Variants in KIAA1328 observed in about 807,000 individuals in gnomAD.
KIAA1328 encodes the protein protein hinderin.
KIAA1328 carries 52 observed loss-of-function variants against 68.1 expected under a neutral mutation model. The observed-to-expected ratio is 0.76, with a 90% CI of 0.61 to 0.96. KIAA1328 has a LOEUF of 0.96. Among genes scored for constraint, KIAA1328 ranks in the 40% least tolerant of loss-of-function variants. KIAA1328 has a pLI of 0.00. For synonymous variants in KIAA1328, 232 were observed against 239.4 expected (o/e 0.97, Z 0.28); for missense variants, 641 against 677.6 (o/e 0.95, Z 0.60).
At chr18:37,221,873 A>T (rs1488352048) in intron 9 of KIAA1328, 144 bp from the exon 10 acceptor site, 2 of 798,526 alleles carry the variant, frequency 2.5e-6, no homozygotes, top group Non-Finnish European at 3.9e-6. Flanking sequence ...GTTTACCTTC[A>T]CAAAAATTCC....
chr18:37,230,018 G>T (rs2060657789), downstream of KIAA1328: 1 of 153,650 alleles, frequency 6.5e-6, no homozygotes, highest in Admixed American at 6.5e-5. Flanking sequence ...CTGGATTCAT[G>T]CTAGAACATG....
At chr18:36,955,506 C>T (rs1568211623) in intron 5 of KIAA1328, among the ~76,000 whole-genome samples, 1 of 151,908 alleles carries the variant, frequency 6.6e-6, no homozygotes, top group Non-Finnish European at 1.5e-5. Context: ...GATGGGGTTT[C>T]ACCATGTTGG....
intron 6 of KIAA1328, among the ~76,000 whole-genome samples, chr18:36,966,838 A>T (rs967840789): frequency 1.3e-5 from 2 of 152,200 alleles, no homozygotes; most frequent in African/African-American, 4.8e-5. Flanking sequence ...TCCCAAATTG[A>T]TCTGTAGATT....
At chr18:36,846,092 A>G (rs2047018748) in intron 4 of KIAA1328, among the ~76,000 whole-genome samples, 2 of 151,592 alleles carry the variant, frequency 1.3e-5, no homozygotes, top group Non-Finnish European at 3.0e-5. Flanking sequence ...ATTTCAGTCT[A>G]CTTTGTCTAC....
Position 37,223,001 on chromosome 18 carries a change from G to A in KIAA1328, c.*774G>A. 2.0e-6 allele frequency: 2 copies of A among 985,126 alleles called. No homozygotes were observed. The highest frequency in any genetic ancestry group is 1.2e-6 in the Non-Finnish European group (1 of 829,964). 61.0% of individuals were successfully genotyped at this position (985,126 alleles called of 1,614,324 possible). A position where few individuals can be genotyped will look rare whatever the true frequency, so the allele number is the denominator to read the frequency against. ...CCCTCCAATATCCCAGAATGAATAA[G>A]AACAATCCCTAGGTATTTTTATTTA... On this transcript the variant is annotated 3_prime_UTR_variant, in exon 10 of 10. Coordinates refer to ENST00000280020, the MANE Select transcript of KIAA1328 (RefSeq NM_020776.3).
At chr18:36,932,401 T>C (rs4547413) in intron 5 of KIAA1328, among the ~76,000 whole-genome samples, 141,715 of 152,100 alleles carry the variant, frequency 0.93, 66,741 homozygotes, top group East Asian at 1. Context: ...TGTATTCTTT[T>C]GTAGAGACTG....
intron 5 of KIAA1328, among the ~76,000 whole-genome samples, chr18:36,916,979 A>G (rs1261992345): frequency 6.6e-6 from 1 of 152,028 alleles, no homozygotes; most frequent in Non-Finnish European, 1.5e-5. Flanking sequence ...TAAAAACAAA[A>G]CAAAACAAAA....
chr18:36,883,109 C>T (rs1324687970), intron 4 of KIAA1328, among the ~76,000 whole-genome samples: 1 of 152,076 alleles, frequency 6.6e-6, no homozygotes, highest in African/African-American at 2.4e-5. Flanking sequence ...TTTCTTCTTT[C>T]GTCGTGTCTT....
At chr18:37,134,999 G>A (rs1348116795) in intron 7 of KIAA1328, among the ~76,000 whole-genome samples, 1 of 152,172 alleles carries the variant, frequency 6.6e-6, no homozygotes, top group Non-Finnish European at 1.5e-5. Flanking sequence ...ATGGCCTCCA[G>A]TGGCATCCAT....
chr18:36,930,364 A>G (rs1006835642), intron 5 of KIAA1328, among the ~76,000 whole-genome samples: 1 of 152,136 alleles, frequency 6.6e-6, no homozygotes, highest in East Asian at 1.9e-4. Context: ...CTATGGGTCC[A>G]AAAATGTTAC....
At chr18:36,976,372 T>C (rs2052471952) in intron 6 of KIAA1328, among the ~76,000 whole-genome samples, 1 of 152,164 alleles carries the variant, frequency 6.6e-6, no homozygotes, top group Non-Finnish European at 1.5e-5. Flanking sequence ...ATTGGTGATA[T>C]ATTACATATG....
chr18:37,140,523 A>G (rs569013546), intron 7 of KIAA1328, among the ~76,000 whole-genome samples: 2 of 152,294 alleles, frequency 1.3e-5, no homozygotes, highest in South Asian at 4.1e-4. Context: ...CCAGAATTTC[A>G]TTAAACTTCA....
intron 7 of KIAA1328, among the ~76,000 whole-genome samples, chr18:37,108,782 T>G (rs2057845674): frequency 6.6e-6 from 1 of 152,186 alleles, no homozygotes; most frequent in South Asian, 2.1e-4. Flanking sequence ...TGTTTTGTTT[T>G]GTTTTTATTA....
rs949241887 is a variant in KIAA1328, at chr18:36,855,575, A to G, written c.332+11273A>G. ...TTTTATCAGATTATATGACTTACAG[A>G]TATTTTCTGCCAATTCTTTTGGGTT... On this transcript the variant is annotated intron_variant, in intron 4 of 9. Coordinates refer to ENST00000280020, the MANE Select transcript of KIAA1328 (RefSeq NM_020776.3). Among the ~76,000 whole-genome samples the G allele has an allele frequency of 2.0e-5, 3 of 148,846 alleles. No homozygotes were observed. In the South Asian group the frequency reaches 6.5e-4, roughly 32 times the overall value.
At chr18:37,157,170 G>A (rs1276457759) in intron 7 of KIAA1328, among the ~76,000 whole-genome samples, 3 of 152,072 alleles carry the variant, frequency 2.0e-5, no homozygotes, top group African/African-American at 4.8e-5. Flanking sequence ...AGTTCTAGTC[G>A]GTATGTCTGT....
chr18:36,895,472 A>G (rs1195748131), intron 5 of KIAA1328, among the ~76,000 whole-genome samples: 1 of 152,194 alleles, frequency 6.6e-6, no homozygotes, highest in Non-Finnish European at 1.5e-5. Flanking sequence ...GATCTGCTTC[A>G]TATCTTCTAG....
intron 7 of KIAA1328, among the ~76,000 whole-genome samples, chr18:37,099,269 G>A (rs981498839): frequency 1.1e-4 from 16 of 152,194 alleles, no homozygotes; most frequent in East Asian, 1.9e-4. Flanking sequence ...ATTCTGGTAC[G>A]TTGTGTCTTT....
intron 9 of KIAA1328, among the ~76,000 whole-genome samples, chr18:37,183,110 A>G (rs2059728927): frequency 6.6e-6 from 1 of 152,148 alleles, no homozygotes; most frequent in East Asian, 1.9e-4. Context: ...TTTCTTCTAA[A>G]TAGAGGAGGT....
intron 6 of KIAA1328, among the ~76,000 whole-genome samples, chr18:36,998,855 G>C (rs2053489927): frequency 6.6e-6 from 1 of 152,134 alleles, no homozygotes. Context: ...TCAAGGTAAG[G>C]ACAGGAAACA....
Sources: allele counts gnomAD v4.1 joint callset (sites outside exome capture counted in the v4.1 genomes callset), GRCh38; gene constraint gnomAD v4.1.1; transcripts MANE v1.5; gene names NCBI Gene and HGNC (gene_info 2026-07-23, HGNC 2026-07-21).